Variants in TTC9 observed in about 807,000 individuals in gnomAD.
TTC9 encodes the protein tetratricopeptide repeat protein 9A.
In TTC9, 13 loss-of-function variants were observed where a neutral mutation model predicts 22.9. The observed-to-expected ratio is 0.57, with a 90% confidence interval of 0.37 to 0.90. The LOEUF (loss-of-function observed/expected upper bound fraction) is 0.90. TTC9 is among the 40% of genes least tolerant of loss of function. The pLI, the probability that TTC9 is intolerant of heterozygous loss-of-function variation, is 0.01. For synonymous variants in TTC9, 148 were observed against 133.2 expected, an observed-to-expected ratio of 1.11 and a Z score of -0.77; for missense variants, 280 against 291.8, an observed-to-expected ratio of 0.96 and a Z score of 0.29.
chr14:70,655,896 A>G (rs1020084481), intron 1 of TTC9, among the ~76,000 whole-genome samples: 5 of 151,932 alleles, frequency 3.3e-5, no homozygotes, highest in African/African-American at 1.2e-4. Context: ...GACCACTCAC[A>G]TTTTTTGGCA....
intron 1 of TTC9, among the ~76,000 whole-genome samples, chr14:70,645,280 T>C (rs1885887417): frequency 6.6e-6 from 1 of 152,214 alleles, no homozygotes; most frequent in Non-Finnish European, 1.5e-5. Context: ...GCCTCTAATA[T>C]GTATTTTCTT....
intron 1 of TTC9, among the ~76,000 whole-genome samples, chr14:70,657,914 T>C (rs773294524): frequency 3.9e-5 from 6 of 152,162 alleles, no homozygotes; most frequent in Non-Finnish European, 8.8e-5. Context: ...TGCAGTGAGC[T>C]GAGATAGTGC....
chr14:70,650,427 A>C (rs866758842), intron 1 of TTC9, among the ~76,000 whole-genome samples: 2 of 152,130 alleles, frequency 1.3e-5, no homozygotes, highest in Middle Eastern at 3.4e-3. Context: ...CATCTCAAAA[A>C]AAAAAAAGAA....
intron 1 of TTC9, among the ~76,000 whole-genome samples, chr14:70,650,750 G>A (rs949926793): frequency 6.6e-6 from 1 of 152,192 alleles, no homozygotes. Context: ...GAAGTTCTAT[G>A]TGTGCTTAGA....
intron 1 of TTC9, among the ~76,000 whole-genome samples, chr14:70,663,550 TC>T (rs1886172433): frequency 6.6e-6 from 1 of 152,188 alleles, no homozygotes; most frequent in Non-Finnish European, 1.5e-5. Flanking sequence ...TGCTACTTCT[TC>T]CAAGAAGGCC....
chr14:70,666,309 C>T (rs114732804), intron 1 of TTC9, among the ~76,000 whole-genome samples: 33 of 152,236 alleles, frequency 2.2e-4, no homozygotes, highest in African/African-American at 7.9e-4. Flanking sequence ...TGGGGAAGCT[C>T]TCCACCATGA....
intron 1 of TTC9, among the ~76,000 whole-genome samples, chr14:70,660,100 AT>A (rs1886123730): frequency 6.6e-6 from 1 of 152,218 alleles, no homozygotes; most frequent in Admixed American, 6.5e-5. Flanking sequence ...GCAGGGCCAT[AT>A]TCTCTTGAGT....
intron 1 of TTC9, among the ~76,000 whole-genome samples, chr14:70,656,949 G>C (rs1029508065): frequency 1.3e-5 from 2 of 152,156 alleles, no homozygotes; most frequent in African/African-American, 4.8e-5. Context: ...TGAGAGTAAG[G>C]GGCCATAGGT....
chr14:70,670,975 T>G (rs1886285552), intron 2 of TTC9, 101 bp from the exon 3 acceptor site: 1 of 1,151,604 alleles, frequency 8.7e-7, no homozygotes. Context: ...TGAGTGAGCC[T>G]GGCCTGTTGG....
chr14:70,675,208 C>A lies in TTC9; in HGVS notation c.*4053C>A, dbSNP rs1886351885. The A allele has an allele frequency of 6.6e-6, 1 of 151,998 alleles. No individual in the cohort carries two copies. Among genetic ancestry groups the A allele is most frequent in the Admixed American group, 6.6e-5 (1 of 15,266 alleles). The allele number at this position is 151,998 out of a possible 1,614,324, so 9.4% of individuals were successfully genotyped here. A position where few individuals can be genotyped will look rare whatever the true frequency, so the allele number is the denominator to read the frequency against. Reference sequence around the variant, plus strand: ...TTGTACTTCTTTCTTTGTGAATTTTCTATTTATTTGATATTGGTATGTTTA... The same window carrying A: ...TTGTACTTCTTTCTTTGTGAATTTTATATTTATTTGATATTGGTATGTTTA... On this transcript the variant is annotated 3_prime_UTR_variant, in exon 3 of 3. Transcript: ENST00000256367.
At chr14:70,670,664 C>CAA (rs11389513) in intron 2 of TTC9, among the ~76,000 whole-genome samples, 422 of 150,788 alleles carry the variant, frequency 2.8e-3, no homozygotes, top group African/African-American at 9.3e-3. Context: ...AACAAACAAA[C>CAA]AAAAAAAAAT....
At chr14:70,664,487 AG>A (rs1452238835) in intron 1 of TTC9, among the ~76,000 whole-genome samples, 1 of 152,006 alleles carries the variant, frequency 6.6e-6, no homozygotes, top group Non-Finnish European at 1.5e-5. Flanking sequence ...GCACTTTGGG[AG>A]GCTGAGGCAG....
chr14:70,649,996 C>T (rs1885956563), intron 1 of TTC9, among the ~76,000 whole-genome samples: 1 of 152,204 alleles, frequency 6.6e-6, no homozygotes, highest in African/African-American at 2.4e-5. Flanking sequence ...TTCTAATGAA[C>T]ATAGAGACTG....
intron 1 of TTC9, among the ~76,000 whole-genome samples, chr14:70,644,758 G>A (rs1235977349): frequency 6.6e-6 from 1 of 152,180 alleles, no homozygotes; most frequent in African/African-American, 2.4e-5. Context: ...CGAAAAGAGT[G>A]ATTATAAGCA....
chr14:70,660,962 G>A (rs1410702264), intron 1 of TTC9, among the ~76,000 whole-genome samples: 1 of 152,186 alleles, frequency 6.6e-6, no homozygotes, highest in African/African-American at 2.4e-5. Context: ...AGGTATATTA[G>A]TTTCCTAAGG....
chr14:70,670,251 T>C (rs1035522265), intron 2 of TTC9, among the ~76,000 whole-genome samples: 1 of 152,240 alleles, frequency 6.6e-6, no homozygotes, highest in African/African-American at 2.4e-5. Context: ...GCTAGGTCCC[T>C]ATTCCATTTT....
intron 2 of TTC9, 95 bp downstream of exon 2, chr14:70,667,841 G>A (rs1886236119): frequency 7.5e-7 from 1 of 1,325,236 alleles, no homozygotes; most frequent in African/African-American, 1.5e-5. Context: ...GGAGGGCCAG[G>A]CAGGGACAGA....
chr14:70,644,170 C>T (rs1885870116), intron 1 of TTC9, among the ~76,000 whole-genome samples: 1 of 152,200 alleles, frequency 6.6e-6, no homozygotes, highest in Non-Finnish European at 1.5e-5. Flanking sequence ...GGGCTGCCAA[C>T]CAGTGGCTAG....
chr14:70,647,113 C>T (rs1242701831), intron 1 of TTC9, among the ~76,000 whole-genome samples: 5 of 152,118 alleles, frequency 3.3e-5, no homozygotes, highest in Non-Finnish European at 5.9e-5. Flanking sequence ...ATAGATTTTA[C>T]TATTCTTTAT....
Sources: gnomAD v4.1 joint callset for allele counts (sites outside exome capture counted in the v4.1 genomes callset) on GRCh38, gnomAD v4.1.1 for gene constraint, MANE v1.5 for transcripts, NCBI Gene and HGNC (gene_info 2026-07-23, HGNC 2026-07-21) for gene names.